SORCS2: variants seen among roughly 807,000 people sequenced by gnomAD.
The protein encoded by SORCS2 is sortilin related VPS10 domain containing receptor 2.
A neutral mutation model predicts 141.6 loss-of-function variants in SORCS2; 100 were observed. The ratio of observed to expected loss-of-function variants is 0.71; its 90% CI spans 0.60 to 0.83. The LOEUF is 0.83. Ranked by LOEUF, SORCS2 falls within the 40% of genes least tolerant of loss-of-function variation. SORCS2 has a pLI of 0.00. For synonymous variants in SORCS2, 789 were observed against 676.9 expected, an observed-to-expected ratio of 1.17 and a Z score of -2.57; for missense variants, 1,646 against 1,560.2, an observed-to-expected ratio of 1.05 and a Z score of -0.93.
intron 1 of SORCS2, among the ~76,000 whole-genome samples, chr4:7,254,600 C>T (rs1201127444): frequency 1.3e-5 from 2 of 152,106 alleles, no homozygotes; most frequent in Non-Finnish European, 2.9e-5. Flanking sequence ...ACTATACCAT[C>T]TATGTGTATA....
rs372291508 is a variant in SORCS2 at position 7,515,553 on chromosome 4, A to G, written c.549-15977A>G. Among the ~76,000 whole-genome samples, 7 of 152,350 alleles carry G rather than the reference A, an allele frequency of 4.6e-5. No homozygotes were observed. The East Asian group carries it at 5.8e-4, about 13-fold the overall frequency. ...GGAGGAGGAGCAGCTTCCTCAGCAC[A>G]TTGAGGAGGCCTGGACACCGTCCAT... is the stretch of plus-strand genomic sequence containing the variant. On this transcript the variant is annotated intron_variant, in intron 2 of 26. Coordinates refer to ENST00000507866, the MANE Select transcript of SORCS2 (RefSeq NM_020777.3).
chr4:7,551,416 G>A lies in SORCS2; in HGVS notation c.648+19787G>A, dbSNP rs189968670. Reference sequence around the variant, plus strand: ...ACCATTGAGAAATTCAAAGTCCAGCGGGGAAGACAGGCAAGAAAATGGGTG... The same window carrying A: ...ACCATTGAGAAATTCAAAGTCCAGCAGGGAAGACAGGCAAGAAAATGGGTG... On this transcript the variant is annotated intron_variant, in intron 3 of 26. Coordinates refer to ENST00000507866, the MANE Select transcript of SORCS2 (RefSeq NM_020777.3). Among the ~76,000 whole-genome samples, 106 of 152,280 alleles carry A rather than the reference G, an allele frequency of 7.0e-4. 1 individual carries two copies. In the East Asian group the frequency reaches 0.015, roughly 22 times the overall value.
intron 1 of SORCS2, among the ~76,000 whole-genome samples, chr4:7,387,474 C>T (rs1431018238): frequency 1.3e-5 from 2 of 149,484 alleles, no homozygotes; most frequent in African/African-American, 5.0e-5. Context: ...TACAGAGATA[C>T]ACATGCACAT....
intron 1 of SORCS2, among the ~76,000 whole-genome samples, chr4:7,354,064 A>T (rs534189662): frequency 3.3e-5 from 5 of 152,194 alleles, no homozygotes; most frequent in Non-Finnish European, 5.9e-5. Context: ...AGTTCTCGGC[A>T]CTGGCTTTGT....
intron 2 of SORCS2, among the ~76,000 whole-genome samples, chr4:7,462,795 C>T (rs61563031): frequency 0.19 from 28,186 of 150,466 alleles, 2,788 homozygotes; most frequent in African/African-American, 0.24. Flanking sequence ...TGAATAACAA[C>T]AGCATGTTGT....
At chr4:7,573,002 C>A (rs530637561) in intron 3 of SORCS2, among the ~76,000 whole-genome samples, 1 of 152,292 alleles carries the variant, frequency 6.6e-6, no homozygotes, top group African/African-American at 2.4e-5. Context: ...GAAAGGAGAG[C>A]TTTTTCTCAC....
chr4:7,274,514 T>A (rs957981492), intron 1 of SORCS2, among the ~76,000 whole-genome samples: 1 of 152,122 alleles, frequency 6.6e-6, no homozygotes, highest in African/African-American at 2.4e-5. Context: ...GTACCTCACC[T>A]GGCTGGAGTG....
chr4:7,737,734 G>A lies in SORCS2; in HGVS notation c.3415+562G>A, dbSNP rs908673430. Among the ~76,000 whole-genome samples the A allele has an allele frequency of 1.4e-4, 22 of 152,358 alleles. 1 individual carries two copies. The highest frequency in any genetic ancestry group is 5.9e-4 in the Admixed American group (9 of 15,306). On this transcript the variant is annotated intron_variant, in intron 26 of 26. Transcript: ENST00000507866. ...TGCATGACAAACCGCCCACCTCAGC[G>A]GCGTAGCATCGTTTATGGCCGTTTT...
intron 1 of SORCS2, among the ~76,000 whole-genome samples, chr4:7,218,993 CTAGG>C (rs1468767747): frequency 6.1e-5 from 5 of 81,914 alleles, no homozygotes; most frequent in Admixed American, 2.2e-4. Context: ...CTGGAATATG[CTAGG>C]CCCTTCCTAC....
At chr4:7,637,191 G>A (rs1220751598) in intron 3 of SORCS2, among the ~76,000 whole-genome samples, 1 of 152,178 alleles carries the variant, frequency 6.6e-6, no homozygotes, top group Non-Finnish European at 1.5e-5. Context: ...GGATGTTGAC[G>A]AATCTTTTTG....
At chr4:7,411,370 C>G (rs913267219) in intron 2 of SORCS2, among the ~76,000 whole-genome samples, 3 of 151,930 alleles carry the variant, frequency 2.0e-5, no homozygotes, top group African/African-American at 7.3e-5. Flanking sequence ...TCTCTTTCCT[C>G]TCTTCCCTTC....
intron 3 of SORCS2, among the ~76,000 whole-genome samples, chr4:7,636,295 C>T (rs972438057): frequency 1.3e-5 from 2 of 152,250 alleles, no homozygotes; most frequent in African/African-American, 4.8e-5. Flanking sequence ...GCCACAACTG[C>T]TCTCCTGCCT....
intron 3 of SORCS2, among the ~76,000 whole-genome samples, chr4:7,578,327 C>T (rs13122192): frequency 0.29 from 44,780 of 152,004 alleles, 7,426 homozygotes; most frequent in East Asian, 0.68. Context: ...ATAAATTACC[C>T]GGTGTCAGAT....
intron 3 of SORCS2, among the ~76,000 whole-genome samples, chr4:7,606,592 C>T (rs970545528): frequency 1.3e-5 from 2 of 152,038 alleles, no homozygotes; most frequent in East Asian, 1.9e-4. Context: ...CAGGGAGGTG[C>T]GTCCTGTGCC....
chr4:7,395,395 G>A (rs1027373167), intron 1 of SORCS2, among the ~76,000 whole-genome samples: 2 of 152,210 alleles, frequency 1.3e-5, no homozygotes, highest in Non-Finnish European at 2.9e-5. Flanking sequence ...GGCTACCCTA[G>A]CCATGGGAGT....
chr4:7,724,594 GTGA>G (rs148473097), intron 19 of SORCS2, among the ~76,000 whole-genome samples: 1 of 80,626 alleles, frequency 1.2e-5, no homozygotes, highest in African/African-American at 5.3e-5. Context: ...GGTGGTGTTG[GTGA>G]TGGTGGTGAT....
intron 11 of SORCS2, among the ~76,000 whole-genome samples, chr4:7,694,010 G>A (rs568662454): frequency 9.2e-5 from 14 of 152,344 alleles, no homozygotes; most frequent in Admixed American, 2.6e-4. Context: ...GGCCCCGGCT[G>A]TGTCTTGGTG....
chr4:7,670,447 TAAAGTG>T (rs1560470468), intron 8 of SORCS2, among the ~76,000 whole-genome samples: 1 of 152,126 alleles, frequency 6.6e-6, no homozygotes, highest in African/African-American at 2.4e-5. Context: ...AATGCAAATT[TAAAGTG>T]AAATATTCCT....
At chr4:7,382,812 G>A (rs561835589) in intron 1 of SORCS2, among the ~76,000 whole-genome samples, 1 of 152,202 alleles carries the variant, frequency 6.6e-6, no homozygotes, top group Admixed American at 6.5e-5. Context: ...GGGACGGTGG[G>A]TGTAAACAGC....
Sources: allele counts gnomAD v4.1 joint callset (sites outside exome capture counted in the v4.1 genomes callset), GRCh38; gene constraint gnomAD v4.1.1; transcripts MANE v1.5; gene names NCBI Gene and HGNC (gene_info 2026-07-23, HGNC 2026-07-21).